Variants in PTPRR observed in about 807,000 individuals in gnomAD.
The protein encoded by PTPRR is protein tyrosine phosphatase receptor type R.
PTPRR carries 38 observed loss-of-function variants against 77.2 expected under a neutral mutation model. The ratio of observed to expected loss-of-function variants is 0.49; its 90% CI spans 0.38 to 0.65. The LOEUF is 0.65. Among genes scored for constraint, PTPRR ranks in the 30% least tolerant of loss-of-function variants. The pLI, the probability that PTPRR is intolerant of heterozygous loss-of-function variation, is 0.00. For synonymous variants in PTPRR, 299 were observed against 283.1 expected, an observed-to-expected ratio of 1.06 and a Z score of -0.57; for missense variants, 744 against 799.2, an observed-to-expected ratio of 0.93 and a Z score of 0.83.
chr12:70,675,073 T>C (rs1407772708), intron 10 of PTPRR, among the ~76,000 whole-genome samples: 3 of 152,114 alleles, frequency 2.0e-5, no homozygotes, highest in African/African-American at 4.8e-5. Flanking sequence ...GTAACCTCTC[T>C]AGTAATTATT....
chr12:70,892,177 C>A (rs1360888390), intron 2 of PTPRR, among the ~76,000 whole-genome samples: 1 of 151,986 alleles, frequency 6.6e-6, no homozygotes, highest in African/African-American at 2.4e-5. Flanking sequence ...CAATTACTCC[C>A]AACTCATTTT....
chr12:70,820,118 G>A (rs993932868), intron 2 of PTPRR, among the ~76,000 whole-genome samples: 16 of 152,138 alleles, frequency 1.1e-4, no homozygotes, highest in African/African-American at 3.9e-4. Flanking sequence ...ATGGAGGGGT[G>A]AGTTTATTTA....
At chr12:70,721,985 A>G (rs145566306) in intron 6 of PTPRR, among the ~76,000 whole-genome samples, 4,285 of 152,268 alleles carry the variant, frequency 0.028, 74 homozygotes, top group Middle Eastern at 0.041. Flanking sequence ...GAAGTATTGT[A>G]TTAAGAAATA....
intron 13 of PTPRR, among the ~76,000 whole-genome samples, chr12:70,649,465 G>C (rs978207202): frequency 4.6e-5 from 7 of 152,312 alleles, no homozygotes; most frequent in Admixed American, 3.3e-4. Context: ...AGGAAGGCCT[G>C]TGAAGCTCGT....
At chr12:70,785,379 CT>C (rs1469998344) in intron 2 of PTPRR, among the ~76,000 whole-genome samples, 2 of 152,134 alleles carry the variant, frequency 1.3e-5, no homozygotes, top group Non-Finnish European at 2.9e-5. Flanking sequence ...TTAGTGTCCC[CT>C]TTCACATCCC....
intron 1 of PTPRR, among the ~76,000 whole-genome samples, chr12:70,898,539 A>T (rs1343458906): frequency 6.7e-6 from 1 of 148,560 alleles, no homozygotes; most frequent in Non-Finnish European, 1.5e-5. Context: ...AAAATCCTTA[A>T]CCTATAAATA....
chr12:70,682,734 T>A (rs1401003985), intron 10 of PTPRR, among the ~76,000 whole-genome samples: 1 of 152,180 alleles, frequency 6.6e-6, no homozygotes, highest in African/African-American at 2.4e-5. Flanking sequence ...ATTAAACAAC[T>A]GTGAAGGAAT....
In PTPRR at chr12:70,684,822, T is replaced by G. The variant is rs376968598; in HGVS notation, c.1280-39A>C. On this transcript the variant is annotated intron_variant, in intron 8 of 13. Coordinates refer to ENST00000283228, the MANE Select transcript of PTPRR (RefSeq NM_002849.4). ...CAAAAAAGAATATATTAAACAGATT[T>G]ACCCTTTTTAAAGTTCCTTAGAATG... The G allele has an allele frequency of 2.8e-6, 4 of 1,446,392 alleles. No individual in the cohort carries two copies. In the African/African-American group the frequency reaches 5.7e-5, roughly 21 times the overall value. 89.6% of individuals were successfully genotyped at this position (1,446,392 alleles called of 1,614,324 possible).
At chr12:70,753,505 C>T (rs532611888) in intron 5 of PTPRR, among the ~76,000 whole-genome samples, 1 of 152,224 alleles carries the variant, frequency 6.6e-6, no homozygotes, top group Non-Finnish European at 1.5e-5. Flanking sequence ...CCTAAAGATA[C>T]CGTTAGTTCA....
intron 2 of PTPRR, among the ~76,000 whole-genome samples, chr12:70,770,313 G>A (rs1890940629): frequency 6.6e-6 from 1 of 151,592 alleles, no homozygotes; most frequent in African/African-American, 2.4e-5. Flanking sequence ...AAATTTACAA[G>A]AAAAAAACAA....
chr12:70,841,117 C>T (rs1892389600), intron 2 of PTPRR, among the ~76,000 whole-genome samples: 1 of 151,880 alleles, frequency 6.6e-6, no homozygotes, highest in African/African-American at 2.4e-5. Flanking sequence ...CCAGAAAAGC[C>T]ATATGGTCAG....
At chr12:70,817,378 C>T (rs185932670) in intron 2 of PTPRR, among the ~76,000 whole-genome samples, 10 of 152,090 alleles carry the variant, frequency 6.6e-5, no homozygotes, top group Admixed American at 2.6e-4. Flanking sequence ...ATTGTATCAA[C>T]GTTATTTTCC....
chr12:70,654,375 C>T (rs991048075), intron 13 of PTPRR, among the ~76,000 whole-genome samples: 4 of 151,954 alleles, frequency 2.6e-5, no homozygotes, highest in African/African-American at 7.2e-5. Flanking sequence ...TCCAGGAGTT[C>T]GAGACTGGCC....
Position 70,663,576 on chromosome 12 carries a change from TATC to T in PTPRR, c.1498-974_1498-972del, listed in dbSNP as rs556335593. 1.4e-3 allele frequency among the ~76,000 whole-genome samples: 213 copies of T among 152,332 alleles called. 1 individual carries two copies. The highest frequency in any genetic ancestry group is 2.1e-3 in the Non-Finnish European group (144 of 68,024). ...TTATTTTGGTATTATTATAGTCAGT[TATC>T]ATTATTAAATAAAAATTGCAAAATG... On this transcript the variant is annotated intron_variant, in intron 10 of 13. Transcript: ENST00000283228.
intron 5 of PTPRR, among the ~76,000 whole-genome samples, chr12:70,750,689 C>T (rs1043271456): frequency 3.9e-5 from 6 of 151,990 alleles, no homozygotes; most frequent in African/African-American, 7.3e-5. Context: ...ATGAACTTCC[C>T]GTCTGTGTGC....
intron 8 of PTPRR, 36 bp from the exon 9 acceptor site, chr12:70,684,819 A>G (rs370641171): frequency 1.4e-6 from 2 of 1,460,316 alleles, no homozygotes; most frequent in Non-Finnish European, 1.9e-6. Context: ...TATTAAACAG[A>G]TTTACCCTTT....
intron 2 of PTPRR, among the ~76,000 whole-genome samples, chr12:70,816,396 C>G (rs571547669): frequency 6.6e-6 from 1 of 151,964 alleles, no homozygotes; most frequent in African/African-American, 2.4e-5. Flanking sequence ...GATAATGAAA[C>G]ATAAAATAGT....
chr12:70,844,827 T>G (rs1182282548), intron 2 of PTPRR, among the ~76,000 whole-genome samples: 1 of 152,158 alleles, frequency 6.6e-6, no homozygotes, highest in Non-Finnish European at 1.5e-5. Flanking sequence ...ATGTCTAGCA[T>G]TGCACTAGAT....
intron 8 of PTPRR, among the ~76,000 whole-genome samples, chr12:70,687,729 A>G (rs967996642): frequency 6.6e-6 from 1 of 152,180 alleles, no homozygotes; most frequent in Admixed American, 6.5e-5. Context: ...GACTGTTCGA[A>G]TCAGGATATA....
Sources: gnomAD v4.1 joint callset for allele counts (sites outside exome capture counted in the v4.1 genomes callset) on GRCh38, gnomAD v4.1.1 for gene constraint, MANE v1.5 for transcripts, NCBI Gene and HGNC (gene_info 2026-07-23, HGNC 2026-07-21) for gene names.